EPB41L4A: variants seen among roughly 807,000 people sequenced by gnomAD.
EPB41L4A encodes the protein band 4.1-like protein 4A.
EPB41L4A carries 100 observed loss-of-function variants against 108.6 expected under a neutral mutation model. The observed-to-expected ratio is 0.92, with a 90% CI of 0.78 to 1.09. The LOEUF (loss-of-function observed/expected upper bound fraction) is 1.09, where lower values mean the gene tolerates loss of function less well. Ranked by LOEUF, EPB41L4A falls within the 50% of genes least tolerant of loss-of-function variation. The pLI, the probability that EPB41L4A is intolerant of heterozygous loss-of-function variation, is 0.00. For missense variants in EPB41L4A, 1,030 were observed against 842.7 expected (o/e 1.22, Z -2.75); for synonymous variants, 319 against 289.0 (o/e 1.10, Z -1.05).
In EPB41L4A at chr5:112,219,705, A is replaced by AT. The variant is rs561456609; in HGVS notation, c.1088-9724dup. Among the ~76,000 whole-genome samples, 3 of 151,832 alleles carry AT rather than the reference A, an allele frequency of 2.0e-5. No individual in the cohort carries two copies. The East Asian group carries it at 5.8e-4, about 29-fold the overall frequency. On this transcript the variant is annotated intron_variant, in intron 12 of 22. Coordinates refer to ENST00000261486, the MANE Select transcript of EPB41L4A (RefSeq NM_022140.5). Reference sequence around the variant, plus strand: ...AAAGTAAATTTTTTATTGGAAAGCAATTTTTTTTGAGACAGAGTCTCATTC... The same window carrying AT: ...AAAGTAAATTTTTTATTGGAAAGCAATTTTTTTTTGAGACAGAGTCTCATTC...
chr5:112,148,093 A>C lies in EPB41L4A; in HGVS notation n.995-2095T>G, dbSNP rs576537333. Among the ~76,000 whole-genome samples, 122 of 147,894 alleles carry C rather than the reference A, an allele frequency of 8.2e-4. 1 individual carries two copies. The highest frequency in any genetic ancestry group is 2.8e-3 in the African/African-American group (114 of 40,580). On this transcript the variant is annotated intron_variant and non_coding_transcript_variant, in intron 12 of 13. Transcript: ENST00000507810. ...AAATTGGGAGTTAAATAGTATTACT[A>C]TAATATAATAGTATTACTATATAAT...
intron 9 of EPB41L4A, among the ~76,000 whole-genome samples, chr5:112,258,135 A>G (rs1751239729): frequency 6.6e-6 from 1 of 152,246 alleles, no homozygotes; most frequent in Admixed American, 6.5e-5. Flanking sequence ...AAATGGCAGC[A>G]TGCCATATAG....
chr5:112,369,366 G>T (rs547821554), intron 1 of EPB41L4A, among the ~76,000 whole-genome samples: 2 of 152,084 alleles, frequency 1.3e-5, no homozygotes, highest in East Asian at 1.9e-4. Flanking sequence ...CTTCCCTGAC[G>T]CAATCCAGCA....
At chr5:112,195,063 T>C (rs1761894095) in intron 16 of EPB41L4A, among the ~76,000 whole-genome samples, 1 of 152,158 alleles carries the variant, frequency 6.6e-6, no homozygotes, top group South Asian at 2.1e-4. Context: ...ACTGGTCTTG[T>C]GACTGATTTT....
chr5:112,210,851 G>C (rs1373322528), intron 12 of EPB41L4A, among the ~76,000 whole-genome samples: 1 of 151,980 alleles, frequency 6.6e-6, no homozygotes, highest in Non-Finnish European at 1.5e-5. Flanking sequence ...TGTTCAATTA[G>C]GTCTATGTGC....
At chr5:112,204,807 G>T (rs1388693691) in intron 14 of EPB41L4A, among the ~76,000 whole-genome samples, 1 of 152,164 alleles carries the variant, frequency 6.6e-6, no homozygotes, top group Non-Finnish European at 1.5e-5. Flanking sequence ...CTCAGCTAAA[G>T]ACTTTACATT....
chr5:112,314,505 T>TAAAAAAAAAAAAAAAAAAAAAAAA (rs552428109), intron 1 of EPB41L4A, among the ~76,000 whole-genome samples: 9 of 55,186 alleles, frequency 1.6e-4, no homozygotes, highest in East Asian at 1.6e-3. Context: ...CCATCGCTAC[T>TAAAAAAAAAAAAAAAAAAAAAAAA]AAAAAAAAAA....
intron 2 of EPB41L4A, among the ~76,000 whole-genome samples, chr5:112,301,770 G>A (rs1472903880): frequency 6.6e-6 from 1 of 152,024 alleles, no homozygotes; most frequent in African/African-American, 2.4e-5. Flanking sequence ...ATAGTATTTT[G>A]CTGTTTTAAT....
chr5:112,371,633 G>C (rs918042823), intron 1 of EPB41L4A, among the ~76,000 whole-genome samples: 1 of 152,026 alleles, frequency 6.6e-6, no homozygotes. Flanking sequence ...TGTCCAAAGT[G>C]GCAAGACTGT....
intron 1 of EPB41L4A, among the ~76,000 whole-genome samples, chr5:112,380,828 C>A (rs1040929535): frequency 2.1e-5 from 3 of 141,248 alleles, no homozygotes; most frequent in African/African-American, 7.8e-5. Flanking sequence ...CACACACACA[C>A]AATTCAGCCA....
chr5:112,249,592 T>G (rs975059018), intron 9 of EPB41L4A: 1 of 152,218 alleles, frequency 6.6e-6, no homozygotes, highest in African/African-American at 2.4e-5. Context: ...ATGCTCTCTT[T>G]TCTAGGCATC....
intron 2 of EPB41L4A, among the ~76,000 whole-genome samples, chr5:112,296,530 T>A (rs979116657): frequency 6.6e-6 from 1 of 152,188 alleles, no homozygotes; most frequent in African/African-American, 2.4e-5. Flanking sequence ...TATATTATAA[T>A]GGACTAATTG....
At chr5:112,292,590 AG>A (rs1207193917) in intron 2 of EPB41L4A, among the ~76,000 whole-genome samples, 1 of 152,198 alleles carries the variant, frequency 6.6e-6, no homozygotes, top group Non-Finnish European at 1.5e-5. Context: ...TAGACAAACT[AG>A]TCACTTAGCT....
At chr5:112,386,946 A>G (rs1010171733) in intron 1 of EPB41L4A, among the ~76,000 whole-genome samples, 1 of 152,188 alleles carries the variant, frequency 6.6e-6, no homozygotes, top group African/African-American at 2.4e-5. Context: ...CACCACTGAC[A>G]GTGTTCCTAT....
chr5:112,285,628 A>G (rs375274098), intron 2 of EPB41L4A, among the ~76,000 whole-genome samples: 43 of 152,274 alleles, frequency 2.8e-4, no homozygotes, highest in Non-Finnish European at 3.5e-4. Context: ...GGAGGGAGAG[A>G]TAATTACAAC....
rs34741856 is a variant in EPB41L4A at position 112,185,092 on chromosome 5, C to CTT, written c.1503-959_1503-958dup. On this transcript the variant is annotated intron_variant, in intron 17 of 22. Transcript: ENST00000261486. ...ATGCACCACAATGATGCTGTGAAGC[C>CTT]TTTTTTTTTTTTTTTGGCAAAACGG... Among the ~76,000 whole-genome samples the CTT allele has an allele frequency of 2.8e-3, 392 of 142,494 alleles. 2 individuals are homozygous for CTT. Among genetic ancestry groups the CTT allele is most frequent in the African/African-American group, 9.7e-3 (377 of 39,058 alleles). 93.5% of individuals were successfully genotyped at this position (142,494 alleles called of 152,430 possible). A position where few individuals can be genotyped will look rare whatever the true frequency, so the allele number is the denominator to read the frequency against.
At chr5:112,187,434 C>G (rs1379607262) in intron 17 of EPB41L4A, among the ~76,000 whole-genome samples, 1 of 152,150 alleles carries the variant, frequency 6.6e-6, no homozygotes, top group Non-Finnish European at 1.5e-5. Flanking sequence ...TGTTTCAGAA[C>G]AGAATTCTAA....
intron 1 of EPB41L4A, among the ~76,000 whole-genome samples, chr5:112,343,184 A>C (rs1757428529): frequency 6.6e-6 from 1 of 152,154 alleles, no homozygotes; most frequent in South Asian, 2.1e-4. Flanking sequence ...CCATTCTCCC[A>C]ACAGCCCCCG....
chr5:112,391,238 G>A (rs1316791294), intron 1 of EPB41L4A, among the ~76,000 whole-genome samples: 1 of 152,236 alleles, frequency 6.6e-6, no homozygotes, highest in Non-Finnish European at 1.5e-5. Flanking sequence ...TGAGTTGACA[G>A]AAGTAGGCTT....
Sources: gnomAD v4.1 joint callset for allele counts (sites outside exome capture counted in the v4.1 genomes callset) on GRCh38, gnomAD v4.1.1 for gene constraint, MANE v1.5 for transcripts, NCBI Gene and HGNC (gene_info 2026-07-23, HGNC 2026-07-21) for gene names.